Variants in AP3S1 observed in about 807,000 individuals in gnomAD.
AP3S1 encodes the protein AP-3 complex subunit sigma-1.
AP3S1 carries 12 observed loss-of-function variants against 21.3 expected under a neutral mutation model. The observed-to-expected ratio is 0.56, with a 90% CI of 0.36 to 0.91. The LOEUF is 0.91. Ranked by LOEUF, AP3S1 falls within the 40% of genes least tolerant of loss-of-function variation. The pLI is 0.01. For missense variants in AP3S1, 116 were observed against 225.0 expected, an observed-to-expected ratio of 0.52 and a Z score of 3.10; for synonymous variants, 48 against 78.4, an observed-to-expected ratio of 0.61 and a Z score of 2.05.
At chr5:115,907,919 A>G (rs1316138289) in intron 5 of AP3S1, among the ~76,000 whole-genome samples, 1 of 152,146 alleles carries the variant, frequency 6.6e-6, no homozygotes, top group East Asian at 1.9e-4. Flanking sequence ...TTTCAAAATA[A>G]AAGTAATTTA....
At chr5:115,891,272 A>G (rs546034932) in intron 3 of AP3S1, among the ~76,000 whole-genome samples, 83 of 152,194 alleles carry the variant, frequency 5.5e-4, no homozygotes, top group Non-Finnish European at 1.0e-3. Flanking sequence ...GTCACTCAGT[A>G]CAATACATCT....
chr5:115,901,392 CTTT>C (rs35793318), intron 4 of AP3S1, among the ~76,000 whole-genome samples: 124 of 111,612 alleles, frequency 1.1e-3, no homozygotes, highest in African/African-American at 3.5e-3. Flanking sequence ...TGCCTATATT[CTTT>C]TTTTTTTTTT....
chr5:115,854,303 C>T (rs370201748), intron 1 of AP3S1, among the ~76,000 whole-genome samples: 214 of 152,144 alleles, frequency 1.4e-3, no homozygotes, highest in African/African-American at 4.7e-3. Flanking sequence ...TGGTTTAGGG[C>T]GTTAATTATA....
chr5:115,888,011 T>G (rs575082409), intron 3 of AP3S1, among the ~76,000 whole-genome samples: 1 of 152,150 alleles, frequency 6.6e-6, no homozygotes, highest in Non-Finnish European at 1.5e-5. Context: ...ACTAGGTAAT[T>G]AAAATGCAGG....
At position 115,866,609 on chromosome 5, in the gene AP3S1, T is replaced by C. The variant is rs1191374270; in HGVS notation, c.70-61T>C. The C allele has an allele frequency of 4.3e-6, 5 of 1,160,402 alleles. No individual in the cohort carries two copies. The African/African-American group carries it at 6.4e-5, about 15-fold the overall frequency. 71.9% of individuals were successfully genotyped at this position (1,160,402 alleles called of 1,614,324 possible). ...TATTGCTACCTTTGATTTTAAAAATTCTTAAAATGCTATTAAACCTATACA... is the reference window on the plus strand; with the variant it reads ...TATTGCTACCTTTGATTTTAAAAATCCTTAAAATGCTATTAAACCTATACA... On this transcript the variant is annotated intron_variant, in intron 1 of 5. Transcript: ENST00000316788.
intron 3 of AP3S1, among the ~76,000 whole-genome samples, chr5:115,879,403 G>A (rs13361489): frequency 0.36 from 54,926 of 151,976 alleles, 10,299 homozygotes; most frequent in Admixed American, 0.45. Flanking sequence ...AGTTTTTAGT[G>A]TGAAGGGGTG....
chr5:115,868,173 G>T (rs1359433925), intron 2 of AP3S1, among the ~76,000 whole-genome samples: 1 of 152,090 alleles, frequency 6.6e-6, no homozygotes, highest in Non-Finnish European at 1.5e-5. Flanking sequence ...ATTTTTAAAG[G>T]CAAAATATGT....
intron 3 of AP3S1, among the ~76,000 whole-genome samples, chr5:115,893,197 C>T (rs1750466762): frequency 1.3e-5 from 2 of 152,124 alleles, no homozygotes; most frequent in Admixed American, 1.3e-4. Context: ...CCAAGTGCCA[C>T]TAGCGATGGT....
rs990850723 is a variant in AP3S1 at position 115,914,073 on chromosome 5, C to T, written c.*583C>T. On this transcript the variant is annotated 3_prime_UTR_variant, in exon 6 of 6. Coordinates refer to ENST00000316788, the MANE Select transcript of AP3S1 (RefSeq NM_001284.4). ...CAAAGTAAATAAAAGTATATTTTAT[C>T]ACTATTAAGCAGATGTTAATGTCGA... The T allele has an allele frequency of 3.6e-5, 3 of 83,240 alleles. No individual in the cohort carries two copies. In the Admixed American group the frequency reaches 3.8e-4, roughly 11 times the overall value. 5.2% of individuals were successfully genotyped at this position (83,240 alleles called of 1,614,324 possible).
chr5:115,892,596 A>G (rs940180118), intron 3 of AP3S1, among the ~76,000 whole-genome samples: 2 of 152,202 alleles, frequency 1.3e-5, no homozygotes, highest in African/African-American at 4.8e-5. Flanking sequence ...TTTAGGATCT[A>G]AAAGTCAAAA....
chr5:115,905,855 A>G (rs1379369068), intron 5 of AP3S1, among the ~76,000 whole-genome samples: 1 of 152,224 alleles, frequency 6.6e-6, no homozygotes, highest in African/African-American at 2.4e-5. Context: ...ATATAAGGAC[A>G]AACTTAATGA....
At chr5:115,895,267 C>A in intron 4 of AP3S1, 109 bp downstream of exon 4, 1 of 730,438 alleles carries the variant, frequency 1.4e-6, no homozygotes, top group Non-Finnish European at 2.1e-6. Flanking sequence ...TTTTATTATT[C>A]AATTCATAAT....
At chr5:115,863,671 T>A (rs1297790282) in intron 1 of AP3S1, among the ~76,000 whole-genome samples, 2 of 152,224 alleles carry the variant, frequency 1.3e-5, no homozygotes, top group Admixed American at 6.5e-5. Context: ...TTTTACGTCG[T>A]ATTGAAAATC....
intron 4 of AP3S1, among the ~76,000 whole-genome samples, chr5:115,896,703 TG>T (rs1750779333): frequency 6.6e-6 from 1 of 152,126 alleles, no homozygotes; most frequent in African/African-American, 2.4e-5. Flanking sequence ...CACCTGTGCC[TG>T]GGGAGGTTGA....
Position 115,878,815 on chromosome 5 carries a change from C to G in AP3S1, c.273+8687C>G, listed in dbSNP as rs138069497. The stretch of plus-strand genomic sequence containing the variant: ...TGTGGCCATTTTCACGATACTGATT[C>G]TTCCTATCCATGAGCATGGAATGTT... On this transcript the variant is annotated intron_variant, in intron 3 of 5. Transcript: ENST00000316788. 7.5e-3 allele frequency among the ~76,000 whole-genome samples: 1,148 copies of G among 152,272 alleles called. 4 individuals carry two copies. Among genetic ancestry groups the G allele is most frequent in the Non-Finnish European group, 0.011 (781 of 68,014 alleles).
intron 1 of AP3S1, among the ~76,000 whole-genome samples, chr5:115,865,250 A>G (rs1763521262): frequency 6.6e-6 from 1 of 152,116 alleles, no homozygotes; most frequent in Admixed American, 6.6e-5. Flanking sequence ...AATAGTAAAT[A>G]TATTTTCTCT....
intron 5 of AP3S1, chr5:115,903,821 A>T (rs959016208): frequency 2.6e-5 from 4 of 152,194 alleles, no homozygotes; most frequent in African/African-American, 7.2e-5. Context: ...ACCCTAGCAG[A>T]GGTTTAGAAA....
chr5:115,863,433 C>A (rs1330874703), intron 1 of AP3S1, among the ~76,000 whole-genome samples: 1 of 151,552 alleles, frequency 6.6e-6, no homozygotes, highest in Non-Finnish European at 1.5e-5. Context: ...ATTAGCTGGG[C>A]ATGGTGGCGG....
At chr5:115,894,492 G>A (rs777655808) in intron 3 of AP3S1, among the ~76,000 whole-genome samples, 17 of 152,188 alleles carry the variant, frequency 1.1e-4, no homozygotes, top group Non-Finnish European at 1.9e-4. Context: ...CTGGCCAAGG[G>A]CTAGTCCTGA....
Sources: allele counts gnomAD v4.1 joint callset (sites outside exome capture counted in the v4.1 genomes callset), GRCh38; gene constraint gnomAD v4.1.1; transcripts MANE v1.5; gene names NCBI Gene and HGNC (gene_info 2026-07-23, HGNC 2026-07-21).